The following CTIF variants were observed in gnomAD, a reference collection of about 807,000 sequenced individuals.
CTIF encodes CBP80/20-dependent translation initiation factor.
A neutral mutation model predicts 66.0 loss-of-function variants in CTIF; 21 were observed. The observed-to-expected ratio is 0.32, with a 90% CI of 0.23 to 0.46. The LOEUF is 0.46. Among genes scored for constraint, CTIF ranks in the 20% least tolerant of loss-of-function variants. The pLI, the probability that CTIF is intolerant of heterozygous loss-of-function variation, is 1.00. For missense variants in CTIF, 739 were observed against 812.7 expected (o/e 0.91, Z 1.10); for synonymous variants, 345 against 326.4 (o/e 1.06, Z -0.62).
At chr18:48,622,377 G>A (rs1275545431) in intron 2 of CTIF, among the ~76,000 whole-genome samples, 2 of 152,050 alleles carry the variant, frequency 1.3e-5, no homozygotes, top group Non-Finnish European at 2.9e-5. Flanking sequence ...GCATGGGAGT[G>A]TGTGGGGGAG....
chr18:48,762,015 A>G (rs1463444336), intron 9 of CTIF, among the ~76,000 whole-genome samples: 1 of 152,172 alleles, frequency 6.6e-6, no homozygotes, highest in East Asian at 1.9e-4. Flanking sequence ...TGACCTCTCT[A>G]CATCCAAGCA....
At chr18:48,573,489 C>G (rs1017904995) in intron 1 of CTIF, among the ~76,000 whole-genome samples, 2 of 152,176 alleles carry the variant, frequency 1.3e-5, no homozygotes, top group Non-Finnish European at 2.9e-5. Flanking sequence ...CACTGATGTA[C>G]AGTGTGTACA....
In CTIF at chr18:48,539,233, C is replaced by T. The variant is rs1457105478; in HGVS notation, c.-108C>T. ...GAGGCAGGAGTCGGCTCTCCGGAGC[C>T]TCGTCCCTCCCTTCCCCTTCCCTGC... On this transcript the variant is annotated 5_prime_UTR_variant, in exon 1 of 12. Coordinates refer to ENST00000256413, the MANE Select transcript of CTIF (RefSeq NM_014772.3). 8.5e-5 allele frequency: 13 copies of T among 152,118 alleles called. No homozygotes were observed. The highest frequency in any genetic ancestry group is 3.1e-4 in the African/African-American group (13 of 41,392). The allele number at this position is 152,118 out of a possible 1,614,324, so 9.4% of individuals were successfully genotyped here.
chr18:48,796,623 G>A (rs1008570647), intron 9 of CTIF, among the ~76,000 whole-genome samples: 3 of 152,120 alleles, frequency 2.0e-5, no homozygotes, highest in Non-Finnish European at 4.4e-5. Flanking sequence ...ACAAGGAAGT[G>A]GCCATCCGAA....
At chr18:48,815,387 G>A (rs902846204) in intron 9 of CTIF, among the ~76,000 whole-genome samples, 1 of 152,114 alleles carries the variant, frequency 6.6e-6, no homozygotes, top group Admixed American at 6.5e-5. Flanking sequence ...CTATAAAATG[G>A]GGCAGTAATA....
At chr18:48,646,921 A>C (rs550957915) in intron 3 of CTIF, among the ~76,000 whole-genome samples, 2 of 149,974 alleles carry the variant, frequency 1.3e-5, no homozygotes, top group Middle Eastern at 3.4e-3. Flanking sequence ...AAAAAAAAAA[A>C]AAAACGAAAC....
chr18:48,791,849 G>C (rs910592080), intron 9 of CTIF, among the ~76,000 whole-genome samples: 19 of 152,162 alleles, frequency 1.2e-4, no homozygotes, highest in Non-Finnish European at 2.9e-5. Flanking sequence ...CTCAGCTTTT[G>C]CCACCTGGTG....
Position 48,859,473 on chromosome 18 carries a change from A to G in CTIF, c.1711A>G (p.Ile571Val), listed in dbSNP as rs767028994. ...MLTRSLLLEV[I>V]ELHANSWNPL... ...GACCCGGTCGCTGCTCCTAGAGGTC[A>G]TCGAGCTCCACGCTAACAGCTGGAA... Residue 571 changes from isoleucine (I) to valine (V), a missense_variant, in exon 12 of 12, where the codon ATC becomes GTC. Ile to Val is a conservative substitution (Grantham distance 29, BLOSUM62 3). Transcript: ENST00000256413. 3.1e-6 allele frequency: 5 copies of G among 1,614,170 alleles called. No homozygotes were observed. The highest frequency in any genetic ancestry group is 4.2e-6 in the Non-Finnish European group (5 of 1,180,022).
intron 1 of CTIF, among the ~76,000 whole-genome samples, chr18:48,604,011 GC>G (rs1341537970): frequency 1.3e-5 from 2 of 148,268 alleles, no homozygotes; most frequent in Non-Finnish European, 3.0e-5. Context: ...GCCATGCCTG[GC>G]TAATTTTTGT....
At chr18:48,782,877 A>G (rs1030185770) in intron 9 of CTIF, among the ~76,000 whole-genome samples, 6 of 152,024 alleles carry the variant, frequency 3.9e-5, no homozygotes, top group African/African-American at 1.2e-4. Flanking sequence ...AGCTGCCACC[A>G]CCCACCCCCA....
At chr18:48,669,955 T>G (rs2091502241) in intron 5 of CTIF, among the ~76,000 whole-genome samples, 2 of 150,854 alleles carry the variant, frequency 1.3e-5, no homozygotes, top group Admixed American at 6.6e-5. Context: ...CACCTTAAGA[T>G]GTTAGACACT....
chr18:48,598,018 C>T (rs747704495), intron 1 of CTIF, among the ~76,000 whole-genome samples: 1 of 152,212 alleles, frequency 6.6e-6, no homozygotes, highest in Non-Finnish European at 1.5e-5. Flanking sequence ...GCCCTTTCAG[C>T]CTTTCCAGCT....
chr18:48,705,833 C>A (rs1198026006), intron 6 of CTIF, among the ~76,000 whole-genome samples: 2 of 152,262 alleles, frequency 1.3e-5, no homozygotes, highest in African/African-American at 2.4e-5. Context: ...CTGGCAGAAC[C>A]TTCCCTGACT....
intron 1 of CTIF, among the ~76,000 whole-genome samples, chr18:48,540,792 G>A (rs1438467274): frequency 6.6e-6 from 1 of 152,130 alleles, no homozygotes; most frequent in South Asian, 2.1e-4. Context: ...CCGATCCTCC[G>A]CGCGACCTGT....
intron 7 of CTIF, among the ~76,000 whole-genome samples, chr18:48,730,295 C>CT (rs1568170961): frequency 9.2e-5 from 12 of 130,728 alleles, no homozygotes; most frequent in African/African-American, 3.5e-4. Context: ...TGTGAGGGGC[C>CT]CCTGAGGTGT....
At chr18:48,721,753 C>CA (rs934378596) in intron 7 of CTIF, among the ~76,000 whole-genome samples, 1 of 151,832 alleles carries the variant, frequency 6.6e-6, no homozygotes, top group African/African-American at 2.4e-5. Flanking sequence ...ACGTGCATCC[C>CA]CCCCTCTCTG....
At chr18:48,572,645 A>T (rs957360728) in intron 1 of CTIF, among the ~76,000 whole-genome samples, 4 of 152,070 alleles carry the variant, frequency 2.6e-5, no homozygotes, top group Non-Finnish European at 4.4e-5. Flanking sequence ...CTGGAGGAGA[A>T]ATTTGATCTG....
chr18:48,780,527 T>C (rs527658118), intron 9 of CTIF, among the ~76,000 whole-genome samples: 2 of 152,288 alleles, frequency 1.3e-5, no homozygotes, highest in East Asian at 3.9e-4. Context: ...GGACACTTTA[T>C]CCAGCACGTG....
rs559733028 is a variant in CTIF, at chr18:48,629,162, ACAGAGGTCACATTCCACCACCACCTATG to A, written c.181-7449_181-7422del. The stretch of plus-strand genomic sequence containing the variant: ...CCCCCACCTGGCACAGGTTTTACAC[ACAGAGGTCACATTCCACCACCACCTATG>A]CATTCAGACACTGGGGAAGACCTGG... On this transcript the variant is annotated intron_variant, in intron 2 of 11. Coordinates refer to ENST00000256413, the MANE Select transcript of CTIF (RefSeq NM_014772.3). Among the ~76,000 whole-genome samples the A allele has an allele frequency of 4.7e-3, 711 of 152,286 alleles. 4 individuals carry two copies. The highest frequency in any genetic ancestry group is 0.016 in the African/African-American group (676 of 41,556).
Sources: gnomAD v4.1 joint callset for allele counts (sites outside exome capture counted in the v4.1 genomes callset) on GRCh38, gnomAD v4.1.1 for gene constraint, MANE v1.5 for transcripts, NCBI Gene and HGNC (gene_info 2026-07-23, HGNC 2026-07-21) for gene names.